NTF4: variants seen among roughly 807,000 people sequenced by gnomAD.
NTF4 encodes neurotrophin-4.
A neutral mutation model predicts 4.4 loss-of-function variants in NTF4; 2 were observed. The observed-to-expected ratio is 0.46, with a 90% confidence interval of 0.19 to 1.44. NTF4 has a LOEUF of 1.44. Ranked by LOEUF, NTF4 falls within the 40% of genes most tolerant of loss-of-function variation. The pLI, the probability that NTF4 is intolerant of heterozygous loss-of-function variation, is 0.26. For synonymous variants in NTF4, 127 were observed against 122.0 expected, an observed-to-expected ratio of 1.04 and a Z score of -0.27; for missense variants, 260 against 293.0, an observed-to-expected ratio of 0.89 and a Z score of 0.82.
chr19:49,058,595 GCCTAGGGTCTGCCCA>G, downstream of NTF4: 1 of 468,796 alleles, frequency 2.1e-6, no homozygotes, highest in African/African-American at 2.0e-5. Context: ...CAGGGCTTCA[GCCTAGGGTCTGCCCA>G]CCTGCACCGT....
chr19:49,061,774 GC>G lies in NTF4; in HGVS notation c.223del (p.Ala75ProfsTer8). 6.4e-7 allele frequency: 1 copy of G among 1,571,178 alleles called. No individual in the cohort carries two copies. Among genetic ancestry groups the G allele is most frequent in the East Asian group, 2.4e-5 (1 of 41,906 alleles). On this transcript the variant is annotated frameshift_variant, in exon 1 of 1. Transcript: ENST00000593537. LOFTEE classifies it low-confidence loss of function (END_TRUNC). This position sits in a 1 kb window ranked among gnomAD's most constrained non-coding sequence, Gnocchi z 4.9. Reference sequence around the variant, plus strand: ...GCTCACCCCACGCCGGCTGCGGTTGGCCGGGGCACCTGCTGACTCCCGAAAG... The same window carrying G: ...GCTCACCCCACGCCGGCTGCGGTTGGCGGGGCACCTGCTGACTCCCGAAAG...
At chr19:49,062,849 A>C (rs562134185), upstream of NTF4, among the ~76,000 whole-genome samples, 1 of 152,186 alleles carries the variant, frequency 6.6e-6, no homozygotes, top group Non-Finnish European at 1.5e-5. Context: ...TAACAGTAAC[A>C]GATGTTGAAA....
chr19:49,062,332 A>T (rs1309331832), upstream of NTF4, among the ~76,000 whole-genome samples: 1 of 152,086 alleles, frequency 6.6e-6, no homozygotes, highest in Non-Finnish European at 1.5e-5. Context: ...TACCAAAAAT[A>T]CCAAAATTAA....
downstream of NTF4, among the ~76,000 whole-genome samples, chr19:49,060,409 G>T (rs2040117851): frequency 6.6e-6 from 1 of 152,054 alleles, no homozygotes; most frequent in Admixed American, 6.6e-5. Context: ...TTGGCTTACT[G>T]CAACCTCTGC....
At chr19:49,059,729 T>G (rs1337231344), downstream of NTF4, among the ~76,000 whole-genome samples, 1 of 152,064 alleles carries the variant, frequency 6.6e-6, no homozygotes, top group African/African-American at 2.4e-5. Flanking sequence ...TGTCCCTGGC[T>G]TCCCTTGTCA....
At chr19:49,064,297 T>G (rs2040189013), upstream of NTF4, 1 of 152,890 alleles carries the variant, frequency 6.5e-6, no homozygotes, top group Non-Finnish European at 1.5e-5. Flanking sequence ...CCCTGGCTCC[T>G]CGGTACAGGA....
upstream of NTF4, chr19:49,064,388 C>G (rs1054589554): frequency 1.9e-5 from 3 of 156,104 alleles, no homozygotes; most frequent in Non-Finnish European, 2.8e-5. Context: ...TAGTGCAGAC[C>G]CCAGGGCCTC....
chr19:49,063,049 C>T (rs1199452666), upstream of NTF4, among the ~76,000 whole-genome samples: 1 of 152,040 alleles, frequency 6.6e-6, no homozygotes, highest in African/African-American at 2.4e-5. Context: ...CTCTGTTGGC[C>T]AGGCTGGAGT....
downstream of NTF4, among the ~76,000 whole-genome samples, chr19:49,059,257 A>G (rs995474121): frequency 6.6e-6 from 1 of 152,190 alleles, no homozygotes; most frequent in Admixed American, 6.5e-5. Context: ...TGAAGGAGTC[A>G]GCGCTGGTGT....
At chr19:49,060,340 CT>C (rs1389655216), downstream of NTF4, among the ~76,000 whole-genome samples, 1 of 151,676 alleles carries the variant, frequency 6.6e-6, no homozygotes, top group African/African-American at 2.4e-5. Flanking sequence ...AAATTTTTTT[CT>C]TTTTTTTGAA....
chr19:49,058,323 A>T (rs2040093185), downstream of NTF4: 1 of 1,485,638 alleles, frequency 6.7e-7, no homozygotes, highest in Non-Finnish European at 8.9e-7. Context: ...TTGCAGTCGG[A>T]GGTAGAGGGT....
rs761282348 is a variant in NTF4 at position 49,061,484 on chromosome 19, C to T, written c.514G>A (p.Ala172Thr). Residue 172 changes from alanine (A) to threonine (T), a missense_variant, in exon 1 of 1, where the codon GCC becomes ACC. Coordinates refer to ENST00000593537, the Ensembl canonical transcript of NTF4. This position sits in a 1 kb window ranked among gnomAD's most constrained non-coding sequence, Gnocchi z 4.9. ...AATGCCCGCACATAGGACTGCTTGG[C>T]CTTGCACTCAGATACCCAGTGCCTC... 1.7e-5 allele frequency: 28 copies of T among 1,613,924 alleles called. No individual in the cohort carries two copies. The highest frequency in any genetic ancestry group is 2.3e-5 in the Non-Finnish European group (27 of 1,179,940).
upstream of NTF4, chr19:49,062,035 G>A: frequency 4.9e-6 from 7 of 1,435,514 alleles, no homozygotes; most frequent in Non-Finnish European, 6.4e-6. Context: ...GGGAGGCTGG[G>A]ATTAGAGAAG....
In NTF4 at chr19:49,061,376, C is replaced by G. The variant is rs1243797358; in HGVS notation, c.622G>C (p.Gly208Arg). 1 of 1,612,380 alleles carries G rather than the reference C, an allele frequency of 6.2e-7. No individual in the cohort carries two copies. Among genetic ancestry groups the G allele is most frequent in the Admixed American group, 1.7e-5 (1 of 60,022 alleles). ...CCTGGGCATGGGTCTCAGGCCCGGC[C>G]AGTCCGGCTGAGGAGTGTGCAGACG... The change falls in exon 1 of 1, where the codon GGC (glycine) becomes CGC (arginine). Residue 208 changes from glycine to arginine, a missense_variant. Transcript: ENST00000593537. This position sits in a 1 kb window ranked among gnomAD's most constrained non-coding sequence, Gnocchi z 4.9.
chr19:49,061,563 G>A lies in NTF4; in HGVS notation c.435C>T (p.Asn145=), dbSNP rs769115282. 16 of 1,614,180 alleles carry A rather than the reference G, an allele frequency of 9.9e-6. No individual in the cohort carries two copies. The highest frequency in any genetic ancestry group is 5.3e-5 in the African/African-American group (4 of 75,072). ...CTGCCCCCGGGCCACCTTCCTCAGC[G>A]TTATCAGCCTTGCAGCGGGTTTCAA... Residue 145 remains asparagine, a synonymous_variant, in exon 1 of 1, where the codon AAC becomes AAT. Coordinates refer to ENST00000593537, the Ensembl canonical transcript of NTF4. This position sits in a 1 kb window ranked among gnomAD's most constrained non-coding sequence, Gnocchi z 4.9.
upstream of NTF4, among the ~76,000 whole-genome samples, chr19:49,062,939 A>G (rs1005078561): frequency 2.6e-5 from 4 of 152,224 alleles, no homozygotes; most frequent in African/African-American, 9.6e-5. Context: ...CCTCTGGGCA[A>G]CTGCACTCTG....
At chr19:49,059,024 G>C (rs1384202450), downstream of NTF4, among the ~76,000 whole-genome samples, 1 of 152,094 alleles carries the variant, frequency 6.6e-6, no homozygotes, top group Non-Finnish European at 1.5e-5. Context: ...CAGGGGGTGG[G>C]GGAGACAGAG....
At chr19:49,064,481 T>C (rs1441781066), upstream of NTF4, 26 of 119,998 alleles carry the variant, frequency 2.2e-4, no homozygotes, top group African/African-American at 4.7e-4. Context: ...CGCCCTCCTC[T>C]CTCAGACCCA....
In NTF4 at chr19:49,061,967, T is replaced by C. The variant is rs2040155915; in HGVS notation, c.31A>G (p.Ile11Val). ...CTGGGGAGGAGGAAAAGGAGGAGGA[T>C]GGGGAGGGAGCATGAGGGGAGAGGG... Residue 11 changes from isoleucine (I) to valine (V), a missense_variant, in exon 1 of 1, where the codon ATC becomes GTC. Transcript: ENST00000593537. The surrounding 1 kb of genome is among the most constrained non-coding windows in gnomAD (Gnocchi z 4.9). 4 of 1,482,932 alleles carry C rather than the reference T, an allele frequency of 2.7e-6. No homozygotes were observed. The highest frequency in any genetic ancestry group is 3.6e-6 in the Non-Finnish European group (4 of 1,106,158). The allele number at this position is 1,482,932 out of a possible 1,614,324, so 91.9% of individuals were successfully genotyped here.
Sources: gnomAD v4.1 joint callset for allele counts (sites outside exome capture counted in the v4.1 genomes callset) on GRCh38, gnomAD v4.1.1 for gene constraint, Gnocchi (gnomAD v3.1) non-coding constraint, MANE v1.5 for transcripts, NCBI Gene and HGNC (gene_info 2026-07-23, HGNC 2026-07-21) for gene names.